The following SERPINB11 variants were observed in gnomAD, a reference collection of about 807,000 sequenced individuals.
The protein encoded by SERPINB11 is serpin family B member 11, also known as serpin B11.
SERPINB11 carries 32 observed loss-of-function variants against 36.7 expected under a neutral mutation model. The ratio of observed to expected loss-of-function variants is 0.87; its 90% confidence interval spans 0.66 to 1.17. The LOEUF is 1.17. Ranked by LOEUF, SERPINB11 falls within the 50% of genes most tolerant of loss-of-function variation. SERPINB11 has a pLI of 0.00. For synonymous variants in SERPINB11, 174 were observed against 168.1 expected, an observed-to-expected ratio of 1.04 and a Z score of -0.27; for missense variants, 528 against 458.4, an observed-to-expected ratio of 1.15 and a Z score of -1.39.
In SERPINB11 at chr18:63,723,489, C is replaced by A; in HGVS notation, c.*90C>A. The A allele has an allele frequency of 8.2e-7, 1 of 1,224,444 alleles. No homozygotes were observed. Among genetic ancestry groups the A allele is most frequent in the Non-Finnish European group, 1.1e-6 (1 of 872,106 alleles). The allele number at this position is 1,224,444 out of a possible 1,614,324, so 75.8% of individuals were successfully genotyped here. On this transcript the variant is annotated 3_prime_UTR_variant, in exon 8 of 8. Coordinates refer to ENST00000544088, the MANE Select transcript of SERPINB11 (RefSeq NM_001370475.1). ...CACGGCCAAAAAGCTGTTCACACCT[C>A]ACACACCTCTGTGCCTCAGTTTGCT...
chr18:63,720,358 G>A, intron 6 of SERPINB11: 1 of 542,054 alleles, frequency 1.8e-6, no homozygotes, highest in South Asian at 2.3e-5. Context: ...TGGAGACTTG[G>A]GATACTAAGA....
chr18:63,720,833 T>C lies in SERPINB11; in HGVS notation c.621T>C (p.Gly207=), dbSNP rs1914791494. The change falls in exon 7 of 8, where the codon GGT becomes GGC. Residue 207 remains glycine (G), a splice_region_variant and synonymous_variant. Coordinates refer to ENST00000544088, the MANE Select transcript of SERPINB11 (RefSeq NM_001370475.1). ...TATAATCTTTTTCTTCTTAACAGGG[T>C]AAAAATGTAACTGTGGAAATGATGT... The part of the protein sequence containing the change: ...TVKSPFQLSE[G]KNVTVEMMYQ... 6.5e-7 allele frequency: 1 copy of C among 1,549,680 alleles called. No homozygotes were observed. The highest frequency in any genetic ancestry group is 8.7e-7 in the Non-Finnish European group (1 of 1,146,046).
chr18:63,710,473 G>C, intron 2 of SERPINB11, 112 bp downstream of exon 2: 1 of 759,512 alleles, frequency 1.3e-6, no homozygotes, highest in Non-Finnish European at 2.0e-6. Flanking sequence ...TCTTGAGAGA[G>C]AAAAAACACA....
chr18:63,721,857 T>C (rs2144552101), intron 7 of SERPINB11, among the ~76,000 whole-genome samples: 1 of 152,304 alleles, frequency 6.6e-6, no homozygotes, highest in African/African-American at 2.4e-5. Context: ...ACAGGTATGC[T>C]TACGGTTGTG....
intron 1 of SERPINB11, among the ~76,000 whole-genome samples, chr18:63,708,483 G>A (rs1387957761): frequency 6.6e-6 from 1 of 152,086 alleles, no homozygotes; most frequent in African/African-American, 2.4e-5. Context: ...GATTGACTAA[G>A]AGTGAGAATA....
rs571673186 is a variant in SERPINB11 at position 63,705,850 on chromosome 18, T to G, written c.-16+2844T>G. 197 of 152,312 alleles carry G rather than the reference T, an allele frequency of 1.3e-3. 1 individual carries two copies. The highest frequency in any genetic ancestry group is 4.6e-3 in the African/African-American group (192 of 41,582). 9.4% of individuals were successfully genotyped at this position (152,312 alleles called of 1,614,324 possible). On this transcript the variant is annotated intron_variant, in intron 1 of 7. Transcript: ENST00000544088. ...TAATTCACTAAAATGCAGAACATAG[T>G]GTGAAGAGCAACTGACTTGGATATA...
At chr18:63,706,571 G>C (rs1456626280) in intron 1 of SERPINB11, among the ~76,000 whole-genome samples, 1 of 152,122 alleles carries the variant, frequency 6.6e-6, no homozygotes, top group Non-Finnish European at 1.5e-5. Flanking sequence ...TGTATTCCAG[G>C]TGGACTAAAC....
At position 63,710,332 on chromosome 18, in the gene SERPINB11, A is replaced by C; in HGVS notation, c.139A>C (p.Arg47=). The change falls in exon 2 of 8, where the codon AGG becomes CGG. Residue 47 remains arginine (R), a synonymous_variant. Transcript: ENST00000544088. ...YALSMVLLGA[R]GETEEQLEKV... Reference sequence around the variant, plus strand: ...TCTAAGCATGGTCCTCCTTGGTGCCAGGGGAGAGACTGAAGAGCAATTGGA... The same window carrying C: ...TCTAAGCATGGTCCTCCTTGGTGCCCGGGGAGAGACTGAAGAGCAATTGGA... 6.2e-7 allele frequency: 1 copy of C among 1,613,318 alleles called. No individual in the cohort carries two copies. The highest frequency in any genetic ancestry group is 8.5e-7 in the Non-Finnish European group (1 of 1,179,534).
At chr18:63,708,475 TTGAC>T (rs1239313557) in intron 1 of SERPINB11, among the ~76,000 whole-genome samples, 3 of 152,046 alleles carry the variant, frequency 2.0e-5, no homozygotes, top group African/African-American at 7.3e-5. Flanking sequence ...TTTTCATTGA[TTGAC>T]TAAGAGTGAG....
chr18:63,713,027 A>T (rs769376391), intron 4 of SERPINB11, among the ~76,000 whole-genome samples: 1 of 152,204 alleles, frequency 6.6e-6, no homozygotes, highest in African/African-American at 2.4e-5. Flanking sequence ...TTAATAGTGG[A>T]GTATCAAGAA....
intron 3 of SERPINB11, 126 bp from the exon 4 acceptor site, chr18:63,712,439 C>A (rs1914550097): frequency 2.2e-6 from 2 of 929,938 alleles, no homozygotes; most frequent in Admixed American, 5.4e-5. Context: ...ATGCTTTAAA[C>A]TAATTTCCTT....
At chr18:63,712,353 A>G (rs1489197028) in intron 3 of SERPINB11, among the ~76,000 whole-genome samples, 2 of 152,252 alleles carry the variant, frequency 1.3e-5, no homozygotes, top group African/African-American at 2.4e-5. Flanking sequence ...GCAGTAACTT[A>G]CAATTCTGCA....
chr18:63,711,516 C>A, intron 3 of SERPINB11, 122 bp downstream of exon 3: 1 of 689,680 alleles, frequency 1.4e-6, no homozygotes, highest in East Asian at 2.5e-5. Context: ...TATGTGTCCC[C>A]CTTTAACCTT....
chr18:63,720,744 C>A, intron 6 of SERPINB11, 87 bp from the exon 7 acceptor site: 1 of 930,036 alleles, frequency 1.1e-6, no homozygotes, highest in Non-Finnish European at 1.6e-6. Flanking sequence ...AGTGTTCATG[C>A]AGATATCCGT....
chr18:63,712,945 A>G (rs897805987), intron 4 of SERPINB11, among the ~76,000 whole-genome samples: 1 of 152,208 alleles, frequency 6.6e-6, no homozygotes, highest in Non-Finnish European at 1.5e-5. Flanking sequence ...GCACAAAACA[A>G]AGTAGGTAAG....
At chr18:63,713,483 C>G (rs1201833589) in intron 4 of SERPINB11, among the ~76,000 whole-genome samples, 1 of 152,122 alleles carries the variant, frequency 6.6e-6, no homozygotes, top group South Asian at 2.1e-4. Flanking sequence ...TTTTGTTTGA[C>G]CAGGGTTATT....
intron 5 of SERPINB11, among the ~76,000 whole-genome samples, chr18:63,717,316 T>C (rs944520593): frequency 6.6e-6 from 1 of 152,114 alleles, no homozygotes; most frequent in East Asian, 1.9e-4. Context: ...GGATCTCTTA[T>C]AAATAGTGCT....
chr18:63,718,389 T>A (rs959634009), intron 5 of SERPINB11, among the ~76,000 whole-genome samples: 1 of 152,042 alleles, frequency 6.6e-6, no homozygotes, highest in Non-Finnish European at 1.5e-5. Flanking sequence ...AAAATACATC[T>A]TTATTCAAAT....
Position 63,723,713 on chromosome 18 carries a change from T to TTTA in SERPINB11, c.*314_*315insTTA. On this transcript the variant is annotated 3_prime_UTR_variant, in exon 8 of 8. Coordinates refer to ENST00000544088, the MANE Select transcript of SERPINB11 (RefSeq NM_001370475.1). ...TAAGGGATTAGATTTTCTTGACTTG[T>TTTA]ATGTATCTGTGAGATCTTGAATAAG... The TTTA allele has an allele frequency of 4.2e-6, 1 of 238,400 alleles. No individual in the cohort carries two copies. 14.8% of individuals were successfully genotyped at this position (238,400 alleles called of 1,614,324 possible). A position where few individuals can be genotyped will look rare whatever the true frequency, so the allele number is the denominator to read the frequency against.
Sources: gnomAD v4.1 joint callset for allele counts (sites outside exome capture counted in the v4.1 genomes callset) on GRCh38, gnomAD v4.1.1 for gene constraint, MANE v1.5 for transcripts, NCBI Gene and HGNC (gene_info 2026-07-23, HGNC 2026-07-21) for gene names.